The following RC3H1 variants were observed in gnomAD, a reference collection of about 807,000 sequenced individuals.
The protein encoded by RC3H1 is roquin-1.
Under a neutral mutation model 138.2 loss-of-function variants are expected in RC3H1, and 50 were observed. The ratio of observed to expected loss-of-function variants is 0.36; its 90% CI spans 0.29 to 0.46. RC3H1 has a LOEUF of 0.46. Among genes scored for constraint, RC3H1 ranks in the 20% least tolerant of loss-of-function variants. The pLI is 1.00. For missense variants in RC3H1, 1,031 were observed against 1,388.1 expected (o/e 0.74, Z 4.09); for synonymous variants, 462 against 489.1 (o/e 0.94, Z 0.73).
intron 4 of RC3H1, among the ~76,000 whole-genome samples, chr1:173,983,189 T>C (rs557108510): frequency 6.6e-6 from 1 of 151,970 alleles, no homozygotes; most frequent in Admixed American, 6.5e-5. Flanking sequence ...AATCAAAAAA[T>C]TAAAAAAAGA....
intron 1 of RC3H1, among the ~76,000 whole-genome samples, chr1:174,001,435 G>A (rs1298139523): frequency 6.6e-6 from 1 of 152,088 alleles, no homozygotes; most frequent in Non-Finnish European, 1.5e-5. Context: ...CAGACTCAAA[G>A]GCATCATCTT....
chr1:174,010,123 CCTCA>C (rs1259656501), intron 1 of RC3H1, among the ~76,000 whole-genome samples: 1 of 151,580 alleles, frequency 6.6e-6, no homozygotes, highest in Non-Finnish European at 1.5e-5. Flanking sequence ...TGCCTGATGT[CCTCA>C]CTTTTATCTT....
rs1380922091 is a variant in RC3H1 at position 173,931,230 on chromosome 1, C to T, written c.*7491G>A. On this transcript the variant is annotated 3_prime_UTR_variant, in exon 20 of 20. Transcript: ENST00000367696. ...ATACACACGTTCCTCATTAATTTAT[C>T]ATTTAATATAAATGCTGACAGAAAG... 1 of 152,182 alleles carries T rather than the reference C, an allele frequency of 6.6e-6. No homozygotes were observed. Among genetic ancestry groups the T allele is most frequent in the Non-Finnish European group, 1.5e-5 (1 of 68,024 alleles). 9.4% of individuals were successfully genotyped at this position (152,182 alleles called of 1,614,324 possible).
chr1:173,959,034 T>C (rs1293066331), intron 13 of RC3H1, among the ~76,000 whole-genome samples: 1 of 152,176 alleles, frequency 6.6e-6, no homozygotes, highest in Non-Finnish European at 1.5e-5. Flanking sequence ...TAAATTATTA[T>C]TAAAAGCTCC....
chr1:174,010,736 C>T (rs1467315400), intron 1 of RC3H1, among the ~76,000 whole-genome samples: 1 of 152,112 alleles, frequency 6.6e-6, no homozygotes, highest in Non-Finnish European at 1.5e-5. Context: ...CAGGATAGTT[C>T]TTGCCTTCCT....
chr1:173,945,547 C>T (rs1659097024), intron 17 of RC3H1, among the ~76,000 whole-genome samples: 1 of 151,924 alleles, frequency 6.6e-6, no homozygotes, highest in Non-Finnish European at 1.5e-5. Context: ...TCATATACTT[C>T]AATCAAAAAA....
intron 19 of RC3H1, 102 bp from the exon 20 acceptor site, chr1:173,938,973 G>T: frequency 1.1e-6 from 1 of 880,288 alleles, no homozygotes; most frequent in South Asian, 2.6e-5. Context: ...ATATATAAAT[G>T]GCTTCCACAT....
At chr1:174,004,656 A>C (rs1261617563) in intron 1 of RC3H1, among the ~76,000 whole-genome samples, 3 of 151,990 alleles carry the variant, frequency 2.0e-5, no homozygotes, top group African/African-American at 7.2e-5. Context: ...AAATACAAAA[A>C]AAAAAAAAAA....
In RC3H1 at chr1:173,972,546, A is replaced by G; in HGVS notation, c.1184T>C (p.Ile395Thr). The G allele has an allele frequency of 6.2e-7, 1 of 1,614,072 alleles. No individual in the cohort carries two copies. The highest frequency in any genetic ancestry group is 8.5e-7 in the Non-Finnish European group (1 of 1,179,966). ...RTVVHGLVDY[I>T]QNHSKKGADQ... ...TGCTCCTTTTTTGCTGTGGTTCTGG[A>G]TATAATCAACCAGCCCATGTACCAC... The change falls in exon 8 of 20, where the codon ATC becomes ACC. Residue 395 changes from isoleucine (I) to threonine (T), a missense_variant. By Grantham distance (89) the Ile-to-Thr change is moderately conservative (BLOSUM62 -1). Transcript: ENST00000367696.
intron 7 of RC3H1, among the ~76,000 whole-genome samples, chr1:173,975,048 A>AGC (rs2102983775): frequency 6.6e-6 from 1 of 152,310 alleles, no homozygotes; most frequent in East Asian, 1.9e-4. Context: ...TTTTAGATAG[A>AGC]TTCAGTTTGA....
chr1:173,966,237 A>G (rs1001035881), intron 9 of RC3H1, among the ~76,000 whole-genome samples: 2 of 152,238 alleles, frequency 1.3e-5, no homozygotes, highest in African/African-American at 4.8e-5. Flanking sequence ...AGTTATTTTA[A>G]AAGTAGGTTA....
Position 173,960,496 on chromosome 1 carries a change from C to T in RC3H1, c.2370+581G>A, listed in dbSNP as rs936414167. 8.5e-5 allele frequency among the ~76,000 whole-genome samples: 13 copies of T among 152,130 alleles called. 1 individual carries two copies. The highest frequency in any genetic ancestry group is 8.5e-4 in the Admixed American group (13 of 15,264). On this transcript the variant is annotated intron_variant, in intron 13 of 19. Coordinates refer to ENST00000367696, the MANE Select transcript of RC3H1 (RefSeq NM_172071.4). The stretch of plus-strand genomic sequence containing the variant: ...CTTGAATTCAGTGTGTATTTGATGA[C>T]TATAGTACATCTGAACTTAAACTGG...
At chr1:173,996,715 C>A (rs1477573773) in intron 1 of RC3H1, among the ~76,000 whole-genome samples, 2 of 152,070 alleles carry the variant, frequency 1.3e-5, no homozygotes, top group Non-Finnish European at 1.5e-5. Context: ...CCACTGGGAC[C>A]CCTCCTCTAC....
chr1:173,999,654 T>C lies in RC3H1; in HGVS notation c.-150-6519A>G, dbSNP rs56107764. 5.9e-3 allele frequency among the ~76,000 whole-genome samples: 893 copies of C among 152,318 alleles called. 11 individuals are homozygous for C. The highest frequency in any genetic ancestry group is 0.021 in the African/African-American group (857 of 41,562). On this transcript the variant is annotated intron_variant, in intron 1 of 19. Transcript: ENST00000367696. Reference sequence around the variant, plus strand: ...GCATCTGGAAAGACGTAGAACAGCTTTGTTTTCTGAAAATCAATCATGTGT... The same window carrying C: ...GCATCTGGAAAGACGTAGAACAGCTCTGTTTTCTGAAAATCAATCATGTGT...
Position 173,947,446 on chromosome 1 carries a change from T to C in RC3H1, c.2660A>G (p.Lys887Arg), listed in dbSNP as rs909822783. The change falls in exon 15 of 20, where the codon AAA becomes AGA. Residue 887 changes from lysine to arginine, a missense_variant. This residue lies in a region of RC3H1 where 716 missense variants were observed against 837.9 expected (regional missense o/e 0.85). Coordinates refer to ENST00000367696, the MANE Select transcript of RC3H1 (RefSeq NM_172071.4). The stretch of plus-strand genomic sequence containing the variant: ...TGGACCAGCACCCTGATATATAGTT[T>C]TGGAAGTTCGTGAGATGGCACCAAA... ...SRFGAISRTS[K>R]TIYQGAGPMQ... is the part of the protein sequence containing the mutation. 10 of 1,613,916 alleles carry C rather than the reference T, an allele frequency of 6.2e-6. No homozygotes were observed. Among genetic ancestry groups the C allele is most frequent in the Non-Finnish European group, 7.6e-6 (9 of 1,180,006 alleles).
chr1:174,005,463 C>A (rs1661636851), intron 1 of RC3H1, among the ~76,000 whole-genome samples: 1 of 152,036 alleles, frequency 6.6e-6, no homozygotes, highest in Admixed American at 6.6e-5. Flanking sequence ...ATATAAATTT[C>A]ATTATAGTCT....
Position 174,022,012 on chromosome 1 carries a change from C to T in RC3H1, c.-151+84G>A. On this transcript the variant is annotated intron_variant, in intron 1 of 19. Transcript: ENST00000367696. This position sits in a 1 kb window ranked among gnomAD's most constrained non-coding sequence, Gnocchi z 4.2. ...GAGGGCGGGCGAGGACAAACCCTTC[C>T]CGACCACAGCTGCCTATTGTTCCCG... The T allele has an allele frequency of 2.6e-6, 1 of 387,882 alleles. No individual in the cohort carries two copies. The allele number at this position is 387,882 out of a possible 1,614,324, so 24.0% of individuals were successfully genotyped here. A position where few individuals can be genotyped will look rare whatever the true frequency, so the allele number is the denominator to read the frequency against.
intron 1 of RC3H1, among the ~76,000 whole-genome samples, chr1:174,021,768 C>T (rs1278136123): frequency 3.9e-5 from 6 of 152,204 alleles, no homozygotes; most frequent in Non-Finnish European, 7.4e-5. Context: ...TGGCCCAGGC[C>T]CTGGGAGTAC....
At position 173,982,907 on chromosome 1, in the gene RC3H1, G is replaced by C; in HGVS notation, c.593-5C>G. On this transcript the variant is annotated splice_polypyrimidine_tract_variant and splice_region_variant and intron_variant, in intron 4 of 19. Coordinates refer to ENST00000367696, the MANE Select transcript of RC3H1 (RefSeq NM_172071.4). ...TTAAAGCTTCCTCCTGCATTGCTAG[G>C]GAAAGTTGGGCAAAACCAAAATTTA... 1.3e-6 allele frequency: 2 copies of C among 1,596,904 alleles called. No individual in the cohort carries two copies. Among genetic ancestry groups the C allele is most frequent in the Non-Finnish European group, 1.7e-6 (2 of 1,173,962 alleles).
Sources: allele counts gnomAD v4.1 joint callset (sites outside exome capture counted in the v4.1 genomes callset), GRCh38; gene constraint gnomAD v4.1.1; regional missense constraint gnomAD v4.1.1; non-coding constraint Gnocchi (gnomAD v3.1); transcripts MANE v1.5; gene names NCBI Gene and HGNC (gene_info 2026-07-23, HGNC 2026-07-21).